SORT1: variants seen among roughly 807,000 people sequenced by gnomAD.
SORT1 encodes sortilin 1, also known as sortilin.
SORT1 carries 39 observed loss-of-function variants against 101.7 expected under a neutral mutation model. That is an observed-to-expected ratio of 0.38 (90% CI 0.30 to 0.50). The LOEUF (loss-of-function observed/expected upper bound fraction) is 0.50. Ranked by LOEUF, SORT1 falls within the 20% of genes least tolerant of loss-of-function variation. The pLI, the probability that SORT1 is intolerant of heterozygous loss-of-function variation, is 0.90. For synonymous variants in SORT1, 396 were observed against 393.7 expected, an observed-to-expected ratio of 1.01 and a Z score of -0.07; for missense variants, 878 against 1,040.4, an observed-to-expected ratio of 0.84 and a Z score of 2.15.
Position 109,317,839 on chromosome 1 carries a change from A to G in SORT1, c.2141+14T>C. 6.5e-7 allele frequency: 1 copy of G among 1,535,728 alleles called. No individual in the cohort carries two copies. The highest frequency in any genetic ancestry group is 9.0e-7 in the Non-Finnish European group (1 of 1,110,052). ...ACCTCATCCATCGTGACAAGGGAGA[A>G]AAGGCCACCTCACCCATTTGTTGTT... On this transcript the variant is annotated intron_variant, in intron 16 of 19. Transcript: ENST00000256637.
intron 2 of SORT1, 41 bp from the exon 3 acceptor site, chr1:109,367,522 T>C (rs1651175355): frequency 8.0e-7 from 1 of 1,245,494 alleles, no homozygotes; most frequent in African/African-American, 1.5e-5. Context: ...AAAAAGATAT[T>C]CCAATCACAT....
At chr1:109,335,332 C>A (rs976355537) in intron 11 of SORT1, among the ~76,000 whole-genome samples, 2 of 152,110 alleles carry the variant, frequency 1.3e-5, no homozygotes, top group Admixed American at 6.5e-5. Context: ...ACTGAACCTG[C>A]CCAGGCTTAA....
intron 17 of SORT1, among the ~76,000 whole-genome samples, chr1:109,316,024 T>G (rs571295103): frequency 6.6e-6 from 1 of 152,054 alleles, no homozygotes; most frequent in Non-Finnish European, 1.5e-5. Flanking sequence ...CCTCCCAAAG[T>G]GCTGGGACTA....
At chr1:109,317,037 T>A in intron 16 of SORT1, 79 bp from the exon 17 acceptor site, 1 of 948,722 alleles carries the variant, frequency 1.1e-6, no homozygotes, top group East Asian at 2.5e-5. Context: ...AAACAAGATT[T>A]GAAAAGCTGC....
In SORT1 at chr1:109,393,350, A is replaced by G. The variant is rs181250342; in HGVS notation, c.306+4237T>C. 22 of 981,458 alleles carry G rather than the reference A, an allele frequency of 2.2e-5. No individual in the cohort carries two copies. The African/African-American group carries it at 2.4e-4, about 11-fold the overall frequency. 60.8% of individuals were successfully genotyped at this position (981,458 alleles called of 1,614,324 possible). On this transcript the variant is annotated intron_variant, in intron 1 of 19. Transcript: ENST00000256637. ...GCAAGAGTTCCTGGCTTTATTCATC[A>G]TAAGTTTAAAAAGTTTTAAGGAAAT... is the stretch of plus-strand genomic sequence containing the variant.
At chr1:109,328,430 G>A (rs1648228500) in intron 11 of SORT1, among the ~76,000 whole-genome samples, 1 of 152,194 alleles carries the variant, frequency 6.6e-6, no homozygotes, top group South Asian at 2.1e-4. Flanking sequence ...TAATCTGTGT[G>A]AGGAGATACC....
At chr1:109,381,764 C>T (rs1419159299) in intron 1 of SORT1, among the ~76,000 whole-genome samples, 1 of 152,008 alleles carries the variant, frequency 6.6e-6, no homozygotes, top group African/African-American at 2.4e-5. Context: ...AAGCACCTGT[C>T]GTCCCAGATA....
chr1:109,338,836 A>G (rs1165453599), intron 10 of SORT1, among the ~76,000 whole-genome samples: 1 of 150,970 alleles, frequency 6.6e-6, no homozygotes, highest in African/African-American at 2.4e-5. Flanking sequence ...GCATCACCCA[A>G]TGTCTCACCA....
intron 13 of SORT1, among the ~76,000 whole-genome samples, 181 bp from the exon 14 acceptor site, chr1:109,325,270 A>T (rs12045346): frequency 7.2e-6 from 1 of 138,530 alleles, no homozygotes; most frequent in Non-Finnish European, 1.5e-5. Flanking sequence ...ATGGAGTCTC[A>T]CTCTGTCACC....
intron 1 of SORT1, among the ~76,000 whole-genome samples, chr1:109,371,657 C>T (rs958905147): frequency 6.6e-6 from 1 of 152,176 alleles, no homozygotes; most frequent in Admixed American, 6.5e-5. Context: ...TTTCCTATTG[C>T]TCAACTACAG....
intron 3 of SORT1, among the ~76,000 whole-genome samples, chr1:109,360,495 A>ATTTTTT (rs774193343): frequency 7.6e-6 from 1 of 132,164 alleles, no homozygotes; most frequent in African/African-American, 2.8e-5. Flanking sequence ...ACCACACTCA[A>ATTTTTT]TTTTTTTTTT....
At chr1:109,371,430 A>G (rs1405169517) in intron 1 of SORT1, among the ~76,000 whole-genome samples, 1 of 152,246 alleles carries the variant, frequency 6.6e-6, no homozygotes, top group East Asian at 1.9e-4. Context: ...ACAAGGGCTA[A>G]GATCACAGTC....
At chr1:109,326,937 AT>A in intron 13 of SORT1, 54 bp downstream of exon 13, 1 of 1,340,354 alleles carries the variant, frequency 7.5e-7, no homozygotes, top group Non-Finnish European at 1.0e-6. Context: ...ACTGAAGAAC[AT>A]TCCCCCAGTT....
At chr1:109,380,315 A>C (rs1238597829) in intron 1 of SORT1, among the ~76,000 whole-genome samples, 1 of 152,176 alleles carries the variant, frequency 6.6e-6, no homozygotes, top group East Asian at 1.9e-4. Context: ...TAGAAGTATA[A>C]GCGAATATTT....
At chr1:109,374,211 TG>T (rs1651670873) in intron 1 of SORT1, among the ~76,000 whole-genome samples, 2 of 152,160 alleles carry the variant, frequency 1.3e-5, no homozygotes, top group African/African-American at 4.8e-5. Context: ...TTGCAACAGT[TG>T]TAACTGTACT....
chr1:109,391,101 T>A (rs1652893258), intron 1 of SORT1, among the ~76,000 whole-genome samples: 1 of 152,162 alleles, frequency 6.6e-6, no homozygotes, highest in Admixed American at 6.5e-5. Flanking sequence ...GCTTTTGGAC[T>A]ATTCAAGCTA....
At chr1:109,321,089 G>C (rs541161551) in intron 15 of SORT1, among the ~76,000 whole-genome samples, 1 of 152,286 alleles carries the variant, frequency 6.6e-6, no homozygotes, top group East Asian at 1.9e-4. Flanking sequence ...GCTTAGGATA[G>C]TGCCTAGTAT....
intron 9 of SORT1, among the ~76,000 whole-genome samples, chr1:109,341,738 T>C (rs1649240106): frequency 6.6e-6 from 1 of 152,200 alleles, no homozygotes; most frequent in East Asian, 1.9e-4. Context: ...TTGCTCTCAA[T>C]TTCTGTACTT....
chr1:109,335,347 AG>A (rs1355943609), intron 11 of SORT1, among the ~76,000 whole-genome samples: 1 of 152,148 alleles, frequency 6.6e-6, no homozygotes, highest in African/African-American at 2.4e-5. Flanking sequence ...GCTTAAGGTG[AG>A]GAGGGCAGTG....
Sources: gnomAD v4.1 joint callset for allele counts (sites outside exome capture counted in the v4.1 genomes callset) on GRCh38, gnomAD v4.1.1 for gene constraint, MANE v1.5 for transcripts, NCBI Gene and HGNC (gene_info 2026-07-23, HGNC 2026-07-21) for gene names.